Variants in DPP3 observed in about 807,000 individuals in gnomAD.
DPP3 encodes dipeptidyl peptidase 3.
Under a neutral mutation model 89.8 loss-of-function variants are expected in DPP3, and 64 were observed. The observed-to-expected ratio is 0.71, with a 90% CI of 0.58 to 0.88. The LOEUF is 0.88. Among genes scored for constraint, DPP3 ranks in the 40% least tolerant of loss-of-function variants. The pLI is 0.00. For synonymous variants in DPP3, 377 were observed against 404.3 expected (o/e 0.93, Z 0.81); for missense variants, 835 against 972.5 (o/e 0.86, Z 1.88).
Position 66,497,283 on chromosome 11 carries a change from C to T in DPP3, c.1699-15C>T. 1.2e-6 allele frequency: 2 copies of T among 1,610,850 alleles called. No individual in the cohort carries two copies. Among genetic ancestry groups the T allele is most frequent in the Non-Finnish European group, 1.7e-6 (2 of 1,178,734 alleles). On this transcript the variant is annotated splice_polypyrimidine_tract_variant and intron_variant, in intron 15 of 17. Coordinates refer to ENST00000531863, the MANE Select transcript of DPP3 (RefSeq NM_130443.4). ...GATACGGGCTACAAATGCTGTCTTT[C>T]CCCTGCTCCGGCAGGCCCATATGCA...
At chr11:66,509,028 G>A in intron 17 of DPP3, 51 bp from the exon 18 acceptor site, 1 of 1,582,010 alleles carries the variant, frequency 6.3e-7, no homozygotes. Context: ...TGATGATTCA[G>A]TTTCCCTATT....
intron 16 of DPP3, among the ~76,000 whole-genome samples, chr11:66,500,829 GC>G (rs1356730287): frequency 3.3e-5 from 5 of 152,194 alleles, no homozygotes; most frequent in Non-Finnish European, 7.3e-5. Context: ...GCCATGGCGG[GC>G]AGGTCACCTG....
At chr11:66,494,741 G>T (rs1855485968) in intron 12 of DPP3, among the ~76,000 whole-genome samples, 2 of 152,194 alleles carry the variant, frequency 1.3e-5, no homozygotes. Flanking sequence ...TCGGAAGATG[G>T]TTGTGAGGAT....
Position 66,492,781 on chromosome 11 carries a change from C to T in DPP3, c.1054C>T (p.Gln352Ter). 2 of 1,613,868 alleles carry T rather than the reference C, an allele frequency of 1.2e-6. No individual in the cohort carries two copies. Among genetic ancestry groups the T allele is most frequent in the Non-Finnish European group, 1.7e-6 (2 of 1,179,904 alleles). The change falls in exon 10 of 18, where the codon CAG (glutamine) becomes TAG (stop). Residue 352 changes from glutamine to a stop codon, truncating the protein, a stop_gained. Coordinates refer to ENST00000531863, the MANE Select transcript of DPP3 (RefSeq NM_130443.4). LOFTEE classifies it high-confidence loss of function. Reference sequence around the variant, plus strand: ...TGAGCGGCTGGTGGCGAGCGCAGAGCAGCTGCTGAAGGAGCTGCCCTGGCC... The same window carrying T: ...TGAGCGGCTGGTGGCGAGCGCAGAGTAGCTGCTGAAGGAGCTGCCCTGGCC... ...KFERLVASAE[Q>*]LLKELPWPPT...
At position 66,509,373 on chromosome 11, in the gene DPP3, C is replaced by T. The variant is rs1256456144; in HGVS notation, c.*122C>T. The T allele has an allele frequency of 6.5e-7, 1 of 1,540,574 alleles. No homozygotes were observed. The highest frequency in any genetic ancestry group is 1.2e-5 in the South Asian group (1 of 84,026). The stretch of plus-strand genomic sequence containing the variant: ...AGGAGCTTGGACCTTGGTACTACCT[C>T]AGCTGAGGGTGGTGACACAACCCCT... On this transcript the variant is annotated 3_prime_UTR_variant, in exon 18 of 18. Coordinates refer to ENST00000531863, the MANE Select transcript of DPP3 (RefSeq NM_130443.4).
At chr11:66,509,044 CT>C in intron 17 of DPP3, 34 bp from the exon 18 acceptor site, 1 of 1,608,926 alleles carries the variant, frequency 6.2e-7, no homozygotes, top group East Asian at 2.2e-5. Context: ...CTATTCAGAC[CT>C]TTCCCTGCTG....
intron 5 of DPP3, among the ~76,000 whole-genome samples, chr11:66,487,705 G>C (rs1412251135): frequency 6.6e-6 from 1 of 152,160 alleles, no homozygotes; most frequent in Non-Finnish European, 1.5e-5. Flanking sequence ...TCAGTGCTTA[G>C]TAGAAGTGCA....
chr11:66,504,717 GTGC>G lies in DPP3; in HGVS notation c.1991_1993del (p.Leu664del). 1.2e-6 allele frequency: 2 copies of G among 1,613,238 alleles called. No individual in the cohort carries two copies. Among genetic ancestry groups the G allele is most frequent in the Non-Finnish European group, 1.7e-6 (2 of 1,179,794 alleles). On this transcript the variant is annotated inframe_deletion, in exon 17 of 18. Coordinates refer to ENST00000531863, the MANE Select transcript of DPP3 (RefSeq NM_130443.4). The stretch of plus-strand genomic sequence containing the variant: ...GTGCTTCCTCACCCTCAGGGACACG[GTGC>G]TGCTGCGTAAGGAATCTCGGAAGCT...
chr11:66,506,084 T>C (rs1450861280), intron 17 of DPP3, among the ~76,000 whole-genome samples: 1 of 150,770 alleles, frequency 6.6e-6, no homozygotes, highest in African/African-American at 2.5e-5. Flanking sequence ...GAGTAGCTGG[T>C]ATAACAGGCG....
rs199813347 is a variant in DPP3, at chr11:66,492,743, T to G, written c.1016T>G (p.Met339Arg). The G allele has an allele frequency of 1.9e-6, 3 of 1,608,692 alleles. No homozygotes were observed. The African/African-American group carries it at 4.0e-5, about 22-fold the overall frequency. The change falls in exon 10 of 18, where the codon ATG (methionine) becomes AGG (arginine). Residue 339 changes from methionine to arginine, a missense_variant. Transcript: ENST00000531863. ...EGFVAVVNKAMSAKFERLVAS... is the reference protein window; with the variant it reads ...EGFVAVVNKARSAKFERLVAS... ...TTCGTAGCTGTGGTGAACAAGGCCATGAGTGCCAAGTTTGAGCGGCTGGTG... is the reference window on the plus strand; with the variant it reads ...TTCGTAGCTGTGGTGAACAAGGCCAGGAGTGCCAAGTTTGAGCGGCTGGTG...
chr11:66,499,129 G>A (rs1033098971), intron 16 of DPP3, among the ~76,000 whole-genome samples: 9 of 152,078 alleles, frequency 5.9e-5, no homozygotes, highest in South Asian at 2.1e-4. Flanking sequence ...CTGGGAGGCC[G>A]AGGCGGGTGG....
intron 3 of DPP3, 35 bp downstream of exon 3, chr11:66,485,297 G>T: frequency 6.3e-7 from 1 of 1,591,918 alleles, no homozygotes; most frequent in Non-Finnish European, 8.6e-7. Flanking sequence ...GGTGGGGATG[G>T]GGGGCTGGTG....
chr11:66,485,383 C>A (rs911720759), intron 3 of DPP3, 121 bp downstream of exon 3: 1 of 938,826 alleles, frequency 1.1e-6, no homozygotes, highest in Non-Finnish European at 1.6e-6. Flanking sequence ...TGGACCCTGT[C>A]GCTTCCACCC....
Position 66,497,891 on chromosome 11 carries a change from T to TAA in DPP3, c.1878+427_1878+428dup, listed in dbSNP as rs566236707. On this transcript the variant is annotated intron_variant, in intron 16 of 17. Transcript: ENST00000531863. Reference sequence around the variant, plus strand: ...GGGTGACAGAGTGAGACCCTATCTCTAAAAAAAAAAAAAAGAATAAGGACA... The same window carrying TAA: ...GGGTGACAGAGTGAGACCCTATCTCTAAAAAAAAAAAAAAAAGAATAAGGACA... Among the ~76,000 whole-genome samples the TAA allele has an allele frequency of 6.9e-3, 957 of 138,378 alleles. 56 individuals are homozygous for TAA. In the East Asian group the frequency reaches 0.14, roughly 20 times the overall value. 90.8% of individuals were successfully genotyped at this position (138,378 alleles called of 152,430 possible).
intron 16 of DPP3, among the ~76,000 whole-genome samples, chr11:66,498,582 G>A (rs565631631): frequency 4.6e-5 from 7 of 152,262 alleles, no homozygotes; most frequent in African/African-American, 1.7e-4. Flanking sequence ...ACAGTTTACC[G>A]TTAATAAACC....
At chr11:66,488,786 C>A (rs560333004) in intron 6 of DPP3, among the ~76,000 whole-genome samples, 211 of 152,292 alleles carry the variant, frequency 1.4e-3, no homozygotes, top group African/African-American at 5.1e-3. Flanking sequence ...TCCACATCCT[C>A]CCACTCAGAC....
chr11:66,508,962 TGGCAGAGC>T lies in DPP3; in HGVS notation c.2042-116_2042-109del. ...CTAAAACGTAGAGCACAGGTTTTTT[TGGCAGAGC>T]TCAGTAAGAAACAGCTGCTGCTGTA... On this transcript the variant is annotated intron_variant, in intron 17 of 17. Transcript: ENST00000531863. The T allele has an allele frequency of 3.0e-6, 4 of 1,329,294 alleles. No homozygotes were observed. In the Admixed American group the frequency reaches 6.5e-5, roughly 22 times the overall value. 82.3% of individuals were successfully genotyped at this position (1,329,294 alleles called of 1,614,324 possible).
In DPP3 at chr11:66,509,212, C is replaced by G; in HGVS notation, c.2175C>G (p.Phe725Leu). 14 of 1,613,808 alleles carry G rather than the reference C, an allele frequency of 8.7e-6. No individual in the cohort carries two copies. Among genetic ancestry groups the G allele is most frequent in the Non-Finnish European group, 1.2e-5 (14 of 1,179,888 alleles). The change falls in exon 18 of 18, where the codon TTC (phenylalanine) becomes TTG (leucine). Residue 725 changes from phenylalanine (F) to leucine (L), a missense_variant. Transcript: ENST00000531863. ...LTQLATADAR[F>L]WKGPSEAPSG... Reference sequence around the variant, plus strand: ...AGCTGGCCACAGCCGATGCCCGATTCTGGAAGGGCCCCAGTGAGGCCCCAT... The same window carrying G: ...AGCTGGCCACAGCCGATGCCCGATTGTGGAAGGGCCCCAGTGAGGCCCCAT...
intron 16 of DPP3, among the ~76,000 whole-genome samples, chr11:66,499,113 G>A (rs111543514): frequency 1.3e-4 from 19 of 151,952 alleles, no homozygotes; most frequent in African/African-American, 4.1e-4. Context: ...CTGTAATCCC[G>A]GCACTCTGGG....
Sources: allele counts gnomAD v4.1 joint callset (sites outside exome capture counted in the v4.1 genomes callset), GRCh38; gene constraint gnomAD v4.1.1; transcripts MANE v1.5; gene names NCBI Gene and HGNC (gene_info 2026-07-23, HGNC 2026-07-21).